The following TOX3 variants were observed in gnomAD, a reference collection of about 807,000 sequenced individuals.
TOX3 encodes TOX high mobility group box family member 3.
Under a neutral mutation model 64.3 loss-of-function variants are expected in TOX3, and 22 were observed. The ratio of observed to expected loss-of-function variants is 0.34; its 90% CI spans 0.24 to 0.49. The LOEUF (loss-of-function observed/expected upper bound fraction) is 0.49. Ranked by LOEUF, TOX3 falls within the 20% of genes least tolerant of loss-of-function variation. TOX3 has a pLI of 0.99. For synonymous variants in TOX3, 291 were observed against 273.6 expected, an observed-to-expected ratio of 1.06 and a Z score of -0.63; for missense variants, 661 against 714.4, an observed-to-expected ratio of 0.93 and a Z score of 0.85.
At chr16:52,503,344 C>G (rs1381466936) in intron 1 of TOX3, among the ~76,000 whole-genome samples, 1 of 152,144 alleles carries the variant, frequency 6.6e-6, no homozygotes, top group African/African-American at 2.4e-5. Context: ...GCTGACAGCC[C>G]TCACCTCATA....
chr16:52,514,047 C>T (rs151202490), intron 1 of TOX3, among the ~76,000 whole-genome samples: 9 of 152,294 alleles, frequency 5.9e-5, no homozygotes, highest in Admixed American at 2.0e-4. Flanking sequence ...CATTAAAAGT[C>T]ATTGACCACT....
At chr16:52,455,980 GAC>G (rs1960505175) in intron 3 of TOX3, among the ~76,000 whole-genome samples, 1 of 152,186 alleles carries the variant, frequency 6.6e-6, no homozygotes, top group African/African-American at 2.4e-5. Flanking sequence ...GGGCATCCCA[GAC>G]AGAGATGAAC....
chr16:52,539,294 C>G (rs1963026460), intron 1 of TOX3, among the ~76,000 whole-genome samples: 1 of 152,168 alleles, frequency 6.6e-6, no homozygotes, highest in Non-Finnish European at 1.5e-5. Context: ...CACATAAACA[C>G]ACACTCCTTG....
chr16:52,507,582 A>C (rs1487134173), intron 1 of TOX3, among the ~76,000 whole-genome samples: 1 of 152,238 alleles, frequency 6.6e-6, no homozygotes, highest in Non-Finnish European at 1.5e-5. Flanking sequence ...AACATACTCA[A>C]TTGTATGCAC....
intron 1 of TOX3, among the ~76,000 whole-genome samples, chr16:52,534,180 A>T (rs1962904249): frequency 6.6e-6 from 1 of 152,238 alleles, no homozygotes; most frequent in South Asian, 2.1e-4. Flanking sequence ...ACAGTCAGGC[A>T]GCATTAATTT....
At chr16:52,532,553 C>T (rs1962874233) in intron 1 of TOX3, among the ~76,000 whole-genome samples, 1 of 152,230 alleles carries the variant, frequency 6.6e-6, no homozygotes, top group East Asian at 1.9e-4. Context: ...AGGATAAGCA[C>T]TGCCCTTCTG....
At chr16:52,468,140 T>G (rs1021559658) in intron 2 of TOX3, among the ~76,000 whole-genome samples, 2 of 152,324 alleles carry the variant, frequency 1.3e-5, no homozygotes, top group Middle Eastern at 3.4e-3. Flanking sequence ...AGTTAAACTA[T>G]TTTCCATTAA....
At chr16:52,480,101 T>C (rs1026994343) in intron 1 of TOX3, among the ~76,000 whole-genome samples, 3 of 152,180 alleles carry the variant, frequency 2.0e-5, no homozygotes, top group Non-Finnish European at 4.4e-5. Flanking sequence ...TCATTGGCCA[T>C]TGCAACACCA....
Position 52,439,771 on chromosome 16 carries a change from G to T in TOX3, c.1185C>A (p.Asn395Lys), listed in dbSNP as rs767588384. 2.3e-5 allele frequency: 37 copies of T among 1,613,850 alleles called. No homozygotes were observed. Among genetic ancestry groups the T allele is most frequent in the Admixed American group, 1.8e-4 (11 of 60,004 alleles). ...PKPLTMRLPMNQIVTSVTIAA... is the reference protein window; with the variant it reads ...PKPLTMRLPMKQIVTSVTIAA... ...CAATGGTGACTGATGTGACAATCTGGTTCATGGGGAGTCTCATGGTTAAGG... is the reference window on the plus strand; with the variant it reads ...CAATGGTGACTGATGTGACAATCTGTTTCATGGGGAGTCTCATGGTTAAGG... The change falls in exon 7 of 7, where the codon AAC becomes AAA. Residue 395 changes from asparagine (N) to lysine (K), a missense_variant. By Grantham distance (94) the Asn-to-Lys change is moderately conservative. This residue lies in a region of TOX3 where 299 missense variants were observed against 292.1 expected (regional missense o/e 1.02). Coordinates refer to ENST00000219746, the MANE Select transcript of TOX3 (RefSeq NM_001080430.4).
chr16:52,460,643 T>C (rs1765037012), intron 3 of TOX3, among the ~76,000 whole-genome samples: 1 of 152,150 alleles, frequency 6.6e-6, no homozygotes, highest in South Asian at 2.1e-4. Context: ...ACTCCTGTCC[T>C]GTCATTTTAA....
intron 5 of TOX3, 163 bp downstream of exon 5, chr16:52,445,831 T>A: frequency 1.5e-6 from 1 of 653,818 alleles, no homozygotes; most frequent in Non-Finnish European, 2.6e-6. Flanking sequence ...AACTGGAGAG[T>A]TGTTTAGATT....
At chr16:52,508,388 T>A (rs1454660363) in intron 1 of TOX3, among the ~76,000 whole-genome samples, 1 of 152,142 alleles carries the variant, frequency 6.6e-6, no homozygotes, top group East Asian at 1.9e-4. Context: ...GACCCGCCCA[T>A]GATAGCAAAG....
chr16:52,546,599 G>A, intron 1 of TOX3, 38 bp downstream of exon 1: 3 of 1,518,400 alleles, frequency 2.0e-6, no homozygotes, highest in East Asian at 2.5e-5. Context: ...ATGGGGAGGT[G>A]GCCCCCGCCC....
chr16:52,464,547 T>G (rs990426045), intron 2 of TOX3, among the ~76,000 whole-genome samples: 1 of 152,194 alleles, frequency 6.6e-6, no homozygotes, highest in Non-Finnish European at 1.5e-5. Flanking sequence ...TCCACATGCT[T>G]TATAAAATGC....
At chr16:52,442,144 G>C (rs1309313809) in intron 6 of TOX3, among the ~76,000 whole-genome samples, 1 of 152,214 alleles carries the variant, frequency 6.6e-6, no homozygotes, top group Non-Finnish European at 1.5e-5. Context: ...TGATTGCACA[G>C]AGTTCTTCCT....
chr16:52,468,164 C>G lies in TOX3; in HGVS notation c.153+345G>C, dbSNP rs146957160. ...ATTTTCCATTAAAAGTCACTTCTAGCCTGGTATCTAAAAAAATAACCACTT... is the reference window on the plus strand; with the variant it reads ...ATTTTCCATTAAAAGTCACTTCTAGGCTGGTATCTAAAAAAATAACCACTT... On this transcript the variant is annotated intron_variant, in intron 2 of 6. Transcript: ENST00000219746. Among the ~76,000 whole-genome samples the G allele has an allele frequency of 1.2e-3, 178 of 152,270 alleles. 1 individual carries two copies. The highest frequency in any genetic ancestry group is 0.011 in the Admixed American group (161 of 15,290).
intron 1 of TOX3, among the ~76,000 whole-genome samples, chr16:52,539,902 T>G (rs1000864438): frequency 6.6e-6 from 1 of 152,154 alleles, no homozygotes; most frequent in African/African-American, 2.4e-5. Flanking sequence ...GTTTAGTGCT[T>G]TCTTTTCTTT....
intron 1 of TOX3, among the ~76,000 whole-genome samples, chr16:52,471,045 G>A (rs1961032251): frequency 6.6e-6 from 1 of 152,132 alleles, no homozygotes; most frequent in South Asian, 2.1e-4. Context: ...CTAGTTCAGT[G>A]TGGCAAGGTA....
chr16:52,461,987 A>G (rs1421226273), intron 3 of TOX3, among the ~76,000 whole-genome samples: 1 of 152,116 alleles, frequency 6.6e-6, no homozygotes, highest in East Asian at 1.9e-4. Flanking sequence ...GTCCTAGTAC[A>G]TTTTATTTTT....
Sources: allele counts gnomAD v4.1 joint callset (sites outside exome capture counted in the v4.1 genomes callset), GRCh38; gene constraint gnomAD v4.1.1; regional missense constraint gnomAD v4.1.1; transcripts MANE v1.5; gene names NCBI Gene and HGNC (gene_info 2026-07-23, HGNC 2026-07-21).